SLC25A21: variants seen among roughly 807,000 people sequenced by gnomAD.
The protein encoded by SLC25A21 is solute carrier family 25 member 21, also known as mitochondrial 2-oxodicarboxylate carrier.
A neutral mutation model predicts 43.8 loss-of-function variants in SLC25A21; 47 were observed. That is an observed-to-expected ratio of 1.07 (90% CI 0.85 to 1.37). The LOEUF is 1.37. Ranked by LOEUF, SLC25A21 falls within the 40% of genes most tolerant of loss-of-function variation. The pLI is 0.00. For synonymous variants in SLC25A21, 131 were observed against 121.3 expected (o/e 1.08, Z -0.52); for missense variants, 352 against 350.2 (o/e 1.00, Z -0.04).
intron 3 of SLC25A21, among the ~76,000 whole-genome samples, chr14:36,808,621 T>C (rs1888126017): frequency 1.3e-5 from 2 of 152,176 alleles, no homozygotes; most frequent in South Asian, 4.1e-4. Flanking sequence ...AAATACAGTC[T>C]AACGGAGAAA....
At chr14:36,741,118 G>A (rs1341403408) in intron 3 of SLC25A21, among the ~76,000 whole-genome samples, 3 of 152,080 alleles carry the variant, frequency 2.0e-5, no homozygotes, top group Non-Finnish European at 4.4e-5. Context: ...ACCCCTCTGA[G>A]TCACCCCCAT....
rs552381904 is a variant in SLC25A21 at position 37,024,104 on chromosome 14, C to T, written c.70+148177G>A. 9.2e-5 allele frequency among the ~76,000 whole-genome samples: 14 copies of T among 152,186 alleles called. No homozygotes were observed. In the South Asian group the frequency reaches 2.3e-3, roughly 25 times the overall value. Reference sequence around the variant, plus strand: ...ACCAGATCACTGAGGGAAAAAAATGCGAATTTGGACAAAATGAGTAAGCAA... The same window carrying T: ...ACCAGATCACTGAGGGAAAAAAATGTGAATTTGGACAAAATGAGTAAGCAA... On this transcript the variant is annotated intron_variant, in intron 1 of 9. Coordinates refer to ENST00000331299, the MANE Select transcript of SLC25A21 (RefSeq NM_030631.4).
chr14:37,046,408 G>T (rs1961587119), intron 1 of SLC25A21, among the ~76,000 whole-genome samples: 1 of 152,070 alleles, frequency 6.6e-6, no homozygotes, highest in African/African-American at 2.4e-5. Flanking sequence ...TTCATGTGAA[G>T]CAGGTAGCTG....
intron 1 of SLC25A21, among the ~76,000 whole-genome samples, chr14:36,899,124 T>C (rs1279258514): frequency 1.3e-5 from 2 of 152,166 alleles, no homozygotes; most frequent in African/African-American, 2.4e-5. Context: ...GTATGGTGGC[T>C]CATGCCTATA....
chr14:36,753,916 G>A (rs1435614467), intron 3 of SLC25A21, among the ~76,000 whole-genome samples: 2 of 74,338 alleles, frequency 2.7e-5, no homozygotes, highest in Admixed American at 1.7e-4. Context: ...CTCTCACTGG[G>A]GACAGAGAGA....
intron 2 of SLC25A21, among the ~76,000 whole-genome samples, chr14:36,849,091 T>C (rs904444254): frequency 6.6e-6 from 1 of 152,218 alleles, no homozygotes; most frequent in Non-Finnish European, 1.5e-5. Flanking sequence ...TTCTAATATA[T>C]TCAAAAGTTT....
chr14:36,753,028 G>C (rs1749934), intron 3 of SLC25A21, among the ~76,000 whole-genome samples: 54,932 of 151,932 alleles, frequency 0.36, 10,461 homozygotes, highest in South Asian at 0.53. Flanking sequence ...GAGGTACCTA[G>C]AATAGTCAAA....
chr14:36,963,938 C>T (rs550553478), intron 1 of SLC25A21, among the ~76,000 whole-genome samples: 1 of 152,152 alleles, frequency 6.6e-6, no homozygotes, highest in African/African-American at 2.4e-5. Flanking sequence ...CCATCTCTCC[C>T]TTGAAACCTT....
chr14:36,756,817 A>G (rs1489536753), intron 3 of SLC25A21, among the ~76,000 whole-genome samples: 3 of 152,220 alleles, frequency 2.0e-5, no homozygotes, highest in African/African-American at 7.2e-5. Flanking sequence ...CAAACAATAC[A>G]TAAGGATGGA....
chr14:36,963,303 C>A (rs1959539081), intron 1 of SLC25A21, among the ~76,000 whole-genome samples: 1 of 152,108 alleles, frequency 6.6e-6, no homozygotes, highest in Non-Finnish European at 1.5e-5. Flanking sequence ...TGCAAAAATG[C>A]TGCTTAGATC....
chr14:37,063,414 C>G (rs966854492), intron 1 of SLC25A21, among the ~76,000 whole-genome samples: 1 of 151,928 alleles, frequency 6.6e-6, no homozygotes, highest in African/African-American at 2.4e-5. Flanking sequence ...GCAGGAAAAT[C>G]GCTTGAACCC....
chr14:36,934,150 AAAG>A (rs1283254058), intron 1 of SLC25A21, among the ~76,000 whole-genome samples: 13 of 152,170 alleles, frequency 8.5e-5, no homozygotes, highest in Non-Finnish European at 1.6e-4. Context: ...ATTGTTTTAG[AAAG>A]AAGTTTATTT....
intron 1 of SLC25A21, among the ~76,000 whole-genome samples, chr14:36,997,236 A>G (rs949944274): frequency 6.6e-6 from 1 of 152,178 alleles, no homozygotes; most frequent in African/African-American, 2.4e-5. Context: ...ATTCAGTTCA[A>G]TATTAATTAA....
chr14:37,126,427 C>T (rs1950372), intron 1 of SLC25A21, among the ~76,000 whole-genome samples: 142,342 of 151,662 alleles, frequency 0.94, 66,956 homozygotes, highest in East Asian at 1. Context: ...TTAAGGGCTT[C>T]TGTGGAATTT....
intron 1 of SLC25A21, among the ~76,000 whole-genome samples, chr14:37,054,275 C>T (rs1198769272): frequency 6.6e-6 from 1 of 152,170 alleles, no homozygotes; most frequent in African/African-American, 2.4e-5. Flanking sequence ...ACTAGGATCT[C>T]TCAAACCAGC....
At chr14:36,723,764 C>T (rs1297051738) in intron 6 of SLC25A21, among the ~76,000 whole-genome samples, 3 of 152,170 alleles carry the variant, frequency 2.0e-5, no homozygotes, top group African/African-American at 7.2e-5. Flanking sequence ...TAGCATGAGC[C>T]GAGGTGCCCT....
chr14:37,028,179 C>T (rs1396525706), intron 1 of SLC25A21, among the ~76,000 whole-genome samples: 1 of 151,564 alleles, frequency 6.6e-6, no homozygotes, highest in Non-Finnish European at 1.5e-5. Context: ...CTTTCTGAGC[C>T]CCAAAGAAGC....
chr14:36,716,825 C>G (rs192439874), intron 6 of SLC25A21, among the ~76,000 whole-genome samples: 31 of 152,290 alleles, frequency 2.0e-4, no homozygotes, highest in African/African-American at 7.5e-4. Context: ...CCAGTGGGTA[C>G]AGGCTTGGGT....
At chr14:37,084,984 C>T (rs1227685928) in intron 1 of SLC25A21, among the ~76,000 whole-genome samples, 1 of 152,150 alleles carries the variant, frequency 6.6e-6, no homozygotes, top group Non-Finnish European at 1.5e-5. Context: ...TGATAATACA[C>T]ATGAGGTTCA....
Sources: allele counts gnomAD v4.1 joint callset (sites outside exome capture counted in the v4.1 genomes callset), GRCh38; gene constraint gnomAD v4.1.1; transcripts MANE v1.5; gene names NCBI Gene and HGNC (gene_info 2026-07-23, HGNC 2026-07-21).